MCC: variants seen among roughly 807,000 people sequenced by gnomAD.
The protein encoded by MCC is MCC regulator of Wnt signaling pathway, also known as colorectal mutant cancer protein.
A neutral mutation model predicts 116.2 loss-of-function variants in MCC; 90 were observed. The ratio of observed to expected loss-of-function variants is 0.77; its 90% CI spans 0.65 to 0.92. MCC has a LOEUF of 0.92. Among genes scored for constraint, MCC ranks in the 40% least tolerant of loss-of-function variants. The pLI, the probability that MCC is intolerant of heterozygous loss-of-function variation, is 0.00. For missense variants in MCC, 1,516 were observed against 1,312.2 expected, an observed-to-expected ratio of 1.16 and a Z score of -2.40; for synonymous variants, 578 against 510.5, an observed-to-expected ratio of 1.13 and a Z score of -1.78.
chr5:113,056,599 G>C (rs779108600), intron 14 of MCC, among the ~76,000 whole-genome samples: 1 of 152,058 alleles, frequency 6.6e-6, no homozygotes, highest in Non-Finnish European at 1.5e-5. Flanking sequence ...GAAGGGAGAG[G>C]ATCGGAAAAA....
intron 3 of MCC, among the ~76,000 whole-genome samples, chr5:113,243,121 T>G (rs534886260): frequency 1.3e-5 from 2 of 152,350 alleles, no homozygotes; most frequent in South Asian, 4.1e-4. Context: ...ATTTTTAGCT[T>G]TTTAGCCCAG....
At chr5:113,237,947 G>A (rs187039609) in intron 3 of MCC, among the ~76,000 whole-genome samples, 117 of 152,318 alleles carry the variant, frequency 7.7e-4, no homozygotes, top group Admixed American at 1.9e-3. Context: ...ATGGTTTGGG[G>A]AGCTGGGGAG....
intron 1 of MCC, among the ~76,000 whole-genome samples, chr5:113,390,828 T>C (rs1245718731): frequency 6.6e-6 from 1 of 152,192 alleles, no homozygotes; most frequent in Non-Finnish European, 1.5e-5. Flanking sequence ...CAGAGACCCC[T>C]GGACCTAGTA....
chr5:113,339,440 C>A (rs199647792), intron 3 of MCC, among the ~76,000 whole-genome samples: 1 of 82,548 alleles, frequency 1.2e-5, no homozygotes, highest in African/African-American at 6.6e-5. Flanking sequence ...TGTGTGTGTG[C>A]GTGCATGTGT....
At chr5:113,264,548 G>A (rs1765344887) in intron 3 of MCC, among the ~76,000 whole-genome samples, 1 of 152,070 alleles carries the variant, frequency 6.6e-6, no homozygotes, top group South Asian at 2.1e-4. Context: ...TATTATAAAA[G>A]TAAACACTCC....
chr5:113,461,887 A>G (rs1771755057), intron 1 of MCC, among the ~76,000 whole-genome samples: 1 of 152,168 alleles, frequency 6.6e-6, no homozygotes, highest in South Asian at 2.1e-4. Flanking sequence ...TTCCCATCCC[A>G]TGCCATCGAG....
At chr5:113,273,412 A>G (rs1419923887) in intron 3 of MCC, among the ~76,000 whole-genome samples, 1 of 152,198 alleles carries the variant, frequency 6.6e-6, no homozygotes, top group Non-Finnish European at 1.5e-5. Context: ...GGGATTGTAT[A>G]CTTCATTCTG....
At chr5:113,236,650 C>T (rs1426035527) in intron 3 of MCC, among the ~76,000 whole-genome samples, 4 of 152,118 alleles carry the variant, frequency 2.6e-5, no homozygotes, top group Non-Finnish European at 2.9e-5. Flanking sequence ...GCGTTGCCAA[C>T]GATTAATATT....
chr5:113,126,832 A>C (rs1232695390), intron 5 of MCC, among the ~76,000 whole-genome samples: 1 of 152,152 alleles, frequency 6.6e-6, no homozygotes, highest in Admixed American at 6.6e-5. Flanking sequence ...TTTTAACTGC[A>C]CAGTGTAGGG....
At chr5:113,073,750 G>A (rs1386976651) in intron 11 of MCC, among the ~76,000 whole-genome samples, 1 of 151,840 alleles carries the variant, frequency 6.6e-6, no homozygotes, top group Admixed American at 6.6e-5. Flanking sequence ...ACCTTCTCTG[G>A]GGTCCCACGC....
At chr5:113,106,397 C>G (rs1293645100) in intron 6 of MCC, among the ~76,000 whole-genome samples, 3 of 151,368 alleles carry the variant, frequency 2.0e-5, no homozygotes, top group Admixed American at 6.6e-5. Context: ...ATTCACACTC[C>G]TTCCCCTCAT....
chr5:113,445,123 C>G (rs570810582), intron 1 of MCC, among the ~76,000 whole-genome samples: 2 of 152,266 alleles, frequency 1.3e-5, no homozygotes, highest in African/African-American at 4.8e-5. Flanking sequence ...ATTTTCCATC[C>G]TCAGTTTCCA....
At chr5:113,458,645 A>G (rs1424393615) in intron 1 of MCC, among the ~76,000 whole-genome samples, 1 of 152,198 alleles carries the variant, frequency 6.6e-6, no homozygotes, top group African/African-American at 2.4e-5. Flanking sequence ...ATAGTGTGTA[A>G]GACCAAAACA....
intron 3 of MCC, among the ~76,000 whole-genome samples, chr5:113,315,704 CAA>C (rs35274366): frequency 0.031 from 1,975 of 64,568 alleles, 37 homozygotes; most frequent in African/African-American, 0.094. Flanking sequence ...CCCATCTCTA[CAA>C]AAAAAAAAAA....
rs762489991 is a variant in MCC, at chr5:113,049,089, C to G, written c.2655+4G>C. On this transcript the variant is annotated splice_donor_region_variant and intron_variant, in intron 16 of 18. Transcript: ENST00000408903. ...AGGGTGTCCCCAAGCCACTCCGGCC[C>G]TACCTTGCCAGGTTTGTCTTTGCTG... is the stretch of plus-strand genomic sequence containing the variant. 3.7e-6 allele frequency: 6 copies of G among 1,614,120 alleles called. No individual in the cohort carries two copies. In the South Asian group the frequency reaches 5.5e-5, roughly 15 times the overall value.
intron 11 of MCC, among the ~76,000 whole-genome samples, chr5:113,077,185 T>C (rs918410027): frequency 6.6e-6 from 1 of 152,124 alleles, no homozygotes. Flanking sequence ...CAAAGAGACT[T>C]AGACTCCCAC....
At chr5:113,459,131 A>ATGTGTGTGTG (rs1491293367) in intron 1 of MCC, among the ~76,000 whole-genome samples, 3 of 64,002 alleles carry the variant, frequency 4.7e-5, no homozygotes, top group African/African-American at 1.5e-4. Flanking sequence ...AGGAGTAAGG[A>ATGTGTGTGTG]TATGTGTGTG....
At chr5:113,294,238 G>A (rs1766626124) in intron 3 of MCC, 3 of 1,532,868 alleles carry the variant, frequency 2.0e-6, no homozygotes, top group African/African-American at 2.7e-5. Flanking sequence ...GGGGGATAGG[G>A]TGTAGGGCTG....
chr5:113,375,985 C>T (rs1035164683), intron 2 of MCC, among the ~76,000 whole-genome samples: 14 of 152,126 alleles, frequency 9.2e-5, no homozygotes, highest in Admixed American at 5.9e-4. Context: ...AGTGTCATAG[C>T]GAAGGCACGT....
Sources: gnomAD v4.1 joint callset for allele counts (sites outside exome capture counted in the v4.1 genomes callset) on GRCh38, gnomAD v4.1.1 for gene constraint, MANE v1.5 for transcripts, NCBI Gene and HGNC (gene_info 2026-07-23, HGNC 2026-07-21) for gene names.